WWP1: variants seen among roughly 807,000 people sequenced by gnomAD.
WWP1 encodes the protein WW domain containing E3 ubiquitin protein ligase 1, also known as NEDD4-like E3 ubiquitin-protein ligase WWP1.
WWP1 carries 49 observed loss-of-function variants against 130.6 expected under a neutral mutation model. The ratio of observed to expected loss-of-function variants is 0.38; its 90% CI spans 0.30 to 0.48. The LOEUF (loss-of-function observed/expected upper bound fraction) is 0.48, where lower values mean the gene tolerates loss of function less well. Ranked by LOEUF, WWP1 falls within the 20% of genes least tolerant of loss-of-function variation. WWP1 has a pLI of 0.99. For missense variants in WWP1, 809 were observed against 1,100.6 expected, an observed-to-expected ratio of 0.74 and a Z score of 3.75; for synonymous variants, 332 against 367.8, an observed-to-expected ratio of 0.90 and a Z score of 1.11.
intron 2 of WWP1, among the ~76,000 whole-genome samples, chr8:86,372,938 A>G (rs563592888): frequency 3.2e-4 from 49 of 152,236 alleles, no homozygotes; most frequent in Admixed American, 9.8e-4. Flanking sequence ...CAGACTTACC[A>G]GATGACCTAC....
chr8:86,397,948 A>G (rs1807769920), intron 5 of WWP1, among the ~76,000 whole-genome samples: 1 of 152,190 alleles, frequency 6.6e-6, no homozygotes. Flanking sequence ...AAGATGTTTG[A>G]ATAAGTTACT....
chr8:86,371,436 C>T (rs1324524996), intron 2 of WWP1, among the ~76,000 whole-genome samples: 1 of 152,146 alleles, frequency 6.6e-6, no homozygotes, highest in Non-Finnish European at 1.5e-5. Context: ...CAGGATTTTG[C>T]CATCTGAAAA....
chr8:86,448,213 TA>T lies in WWP1; in HGVS notation c.2070del (p.Lys690AsnfsTer21). The T allele has an allele frequency of 6.3e-7, 1 of 1,582,966 alleles. No individual in the cohort carries two copies. Among genetic ancestry groups the T allele is most frequent in the Non-Finnish European group, 8.5e-7 (1 of 1,172,564 alleles). On this transcript the variant is annotated frameshift_variant, in exon 19 of 25. Transcript: ENST00000517970. LOFTEE classifies it high-confidence loss of function. ...SLPFYKRMLSKKLTIKDLESI... is the reference protein window; with the variant it reads ...SLPFYKRMLSXKLTIKDLESI... ...TACCATTCTACAAGCGTATGTTAAG[TA>T]AAAAACTTACTATTAAGGATTTGGA...
intron 9 of WWP1, among the ~76,000 whole-genome samples, chr8:86,421,442 A>G (rs181157786): frequency 1.2e-4 from 19 of 152,324 alleles, no homozygotes; most frequent in African/African-American, 4.1e-4. Context: ...TATCGTGTAT[A>G]AAAATAATTT....
chr8:86,353,050 A>G (rs1053392170), intron 1 of WWP1, among the ~76,000 whole-genome samples: 5 of 152,168 alleles, frequency 3.3e-5, no homozygotes, highest in African/African-American at 9.7e-5. Flanking sequence ...TTTGACTGAA[A>G]TGTGTCAAAT....
intron 2 of WWP1, among the ~76,000 whole-genome samples, chr8:86,369,334 T>A (rs906363467): frequency 4.6e-5 from 7 of 152,208 alleles, no homozygotes; most frequent in African/African-American, 1.4e-4. Context: ...TTTTATTTGC[T>A]GTATCTCTTC....
chr8:86,435,989 G>A (rs537684370), intron 16 of WWP1, among the ~76,000 whole-genome samples: 1 of 152,264 alleles, frequency 6.6e-6, no homozygotes, highest in East Asian at 1.9e-4. Flanking sequence ...TTGAGCCACT[G>A]CATCTGGCCT....
chr8:86,437,838 C>T (rs914439254), intron 16 of WWP1, among the ~76,000 whole-genome samples: 2 of 152,108 alleles, frequency 1.3e-5, no homozygotes, highest in African/African-American at 4.8e-5. Context: ...CTCGCTCTGT[C>T]GCCCAGGCTG....
intron 18 of WWP1, among the ~76,000 whole-genome samples, chr8:86,445,949 G>GTCTTTTCTTT (rs1191146847): frequency 0.02 from 2,162 of 108,842 alleles, 41 homozygotes; most frequent in African/African-American, 0.034. Context: ...CTGCTTATAT[G>GTCTTTTCTTT]TCTTTTCTTT....
chr8:86,457,837 A>T, intron 21 of WWP1, 84 bp from the exon 22 acceptor site: 4 of 1,297,844 alleles, frequency 3.1e-6, no homozygotes, highest in Non-Finnish European at 4.4e-6. Context: ...TGCCATGTGC[A>T]TAACTGCATT....
chr8:86,441,083 G>A (rs1002025678), intron 17 of WWP1, among the ~76,000 whole-genome samples: 1 of 152,178 alleles, frequency 6.6e-6, no homozygotes, highest in South Asian at 2.1e-4. Flanking sequence ...GCTAGCATCA[G>A]AGGAAAAGAG....
chr8:86,371,506 C>T (rs1283059920), intron 2 of WWP1, among the ~76,000 whole-genome samples: 1 of 152,168 alleles, frequency 6.6e-6, no homozygotes, highest in African/African-American at 2.4e-5. Flanking sequence ...TTATTTGGCA[C>T]TATCAACATT....
At chr8:86,425,885 CTG>C (rs993698604) in intron 10 of WWP1, among the ~76,000 whole-genome samples, 8 of 152,172 alleles carry the variant, frequency 5.3e-5, no homozygotes, top group Admixed American at 5.2e-4. Context: ...TCTTTCATAA[CTG>C]TCTACATAAC....
At chr8:86,463,794 C>T (rs1370519737) in intron 24 of WWP1, among the ~76,000 whole-genome samples, 2 of 152,004 alleles carry the variant, frequency 1.3e-5, no homozygotes, top group Non-Finnish European at 2.9e-5. Flanking sequence ...GGCACGGTGG[C>T]TCACACCTGT....
At chr8:86,427,120 A>G (rs569645254) in intron 10 of WWP1, among the ~76,000 whole-genome samples, 4 of 151,716 alleles carry the variant, frequency 2.6e-5, no homozygotes, top group Non-Finnish European at 5.9e-5. Flanking sequence ...CCAAGATCAC[A>G]CCATTGCACT....
Position 86,411,855 on chromosome 8 carries a change from A to G in WWP1, c.1042A>G (p.Thr348Ala). The change falls in exon 9 of 25, where the codon ACA (threonine) becomes GCA (alanine). Residue 348 changes from threonine to alanine, a missense_variant. Around this residue, in one of 3 missense-constraint regions of WWP1, gnomAD observed 97 missense variants for 80.4 expected, o/e 1.21. Coordinates refer to ENST00000517970, the MANE Select transcript of WWP1 (RefSeq NM_007013.4). ...ACGGCAGCAGTCTGGGAATGCCAAC[A>G]CAGAAACCTTGCCATCAGGGTATGT... ...PVRQQSGNAN[T>A]ETLPSGWEQR... is the part of the protein sequence containing the mutation. The G allele has an allele frequency of 6.2e-7, 1 of 1,607,742 alleles. No homozygotes were observed. Among genetic ancestry groups the G allele is most frequent in the Non-Finnish European group, 8.5e-7 (1 of 1,175,612 alleles).
intron 18 of WWP1, 120 bp from the exon 19 acceptor site, chr8:86,448,028 C>T: frequency 1.2e-6 from 1 of 802,090 alleles, no homozygotes; most frequent in Non-Finnish European, 1.9e-6. Flanking sequence ...ATGATTTATG[C>T]CATTCACTTA....
intron 9 of WWP1, among the ~76,000 whole-genome samples, chr8:86,423,005 T>C (rs1327735584): frequency 1.3e-5 from 2 of 151,730 alleles, no homozygotes; most frequent in Non-Finnish European, 2.9e-5. Flanking sequence ...GCAAAATCAG[T>C]ATATTATTTC....
At chr8:86,414,060 G>T (rs1808733735) in intron 9 of WWP1, among the ~76,000 whole-genome samples, 1 of 152,178 alleles carries the variant, frequency 6.6e-6, no homozygotes, top group Non-Finnish European at 1.5e-5. Context: ...TTAGAATTTT[G>T]CAGTAATCTA....
Sources: gnomAD v4.1 joint callset for allele counts (sites outside exome capture counted in the v4.1 genomes callset) on GRCh38, gnomAD v4.1.1 for gene constraint, gnomAD v4.1.1 regional missense constraint, MANE v1.5 for transcripts, NCBI Gene and HGNC (gene_info 2026-07-23, HGNC 2026-07-21) for gene names.